Variants in TRAPPC3L observed in about 807,000 individuals in gnomAD.
TRAPPC3L encodes trafficking protein particle complex subunit 3L.
TRAPPC3L carries 23 observed loss-of-function variants against 23.7 expected under a neutral mutation model. That is an observed-to-expected ratio of 0.97 (90% CI 0.70 to 1.37). TRAPPC3L has a LOEUF of 1.37. Ranked by LOEUF, TRAPPC3L falls within the 40% of genes most tolerant of loss-of-function variation. TRAPPC3L has a pLI of 0.00. For missense variants in TRAPPC3L, 212 were observed against 216.8 expected, an observed-to-expected ratio of 0.98 and a Z score of 0.14; for synonymous variants, 81 against 77.9, an observed-to-expected ratio of 1.04 and a Z score of -0.21.
At chr6:116,537,176 C>T (rs1235961590) in intron 3 of TRAPPC3L, among the ~76,000 whole-genome samples, 2 of 152,194 alleles carry the variant, frequency 1.3e-5, no homozygotes, top group African/African-American at 4.8e-5. Flanking sequence ...GAATATTCTC[C>T]TCATTGACAA....
chr6:116,532,774 T>G (rs1263389796), intron 3 of TRAPPC3L, among the ~76,000 whole-genome samples: 1 of 152,180 alleles, frequency 6.6e-6, no homozygotes, highest in Non-Finnish European at 1.5e-5. Context: ...ACAAACTGAT[T>G]AAAACATTAA....
intron 3 of TRAPPC3L, among the ~76,000 whole-genome samples, chr6:116,503,508 CT>C (rs1424848725): frequency 6.6e-6 from 1 of 152,178 alleles, no homozygotes; most frequent in African/African-American, 2.4e-5. Context: ...TTGAACTCAG[CT>C]TTGGACCAAG....
intron 4 of TRAPPC3L, among the ~76,000 whole-genome samples, chr6:116,499,578 G>C (rs1252486754): frequency 6.6e-5 from 10 of 152,132 alleles, no homozygotes; most frequent in Non-Finnish European, 1.3e-4. Flanking sequence ...ATGACAATCT[G>C]TCTCCCAATT....
chr6:116,503,950 A>G lies in TRAPPC3L; in HGVS notation c.241-3284T>C, dbSNP rs147795870. 6.9e-3 allele frequency among the ~76,000 whole-genome samples: 1,049 copies of G among 152,294 alleles called. 5 individuals are homozygous for G. The highest frequency in any genetic ancestry group is 0.024 in the African/African-American group (1,002 of 41,554). ...GATCTAAAATTAACACCCTAACATCACAATTCAAAGAACTAGAGAAGCAAG... is the reference window on the plus strand; with the variant it reads ...GATCTAAAATTAACACCCTAACATCGCAATTCAAAGAACTAGAGAAGCAAG... On this transcript the variant is annotated intron_variant, in intron 3 of 4. Transcript: ENST00000368602.
chr6:116,516,051 G>A (rs1308753365), intron 3 of TRAPPC3L: 41 of 1,503,142 alleles, frequency 2.7e-5, no homozygotes, highest in African/African-American at 1.4e-4. Context: ...TCCTCCTAAC[G>A]TATCACCAGC....
At chr6:116,502,490 G>T (rs1008944234) in intron 3 of TRAPPC3L, among the ~76,000 whole-genome samples, 1 of 152,160 alleles carries the variant, frequency 6.6e-6, no homozygotes, top group African/African-American at 2.4e-5. Context: ...ACCTAGCAAG[G>T]CAGGTCAGCA....
chr6:116,537,003 C>T (rs1773137520), intron 3 of TRAPPC3L, among the ~76,000 whole-genome samples: 1 of 152,204 alleles, frequency 6.6e-6, no homozygotes, highest in Non-Finnish European at 1.5e-5. Flanking sequence ...TCTGACCTTT[C>T]ATCTTTGTCA....
At chr6:116,535,368 A>G (rs1045806065) in intron 3 of TRAPPC3L, among the ~76,000 whole-genome samples, 4 of 152,218 alleles carry the variant, frequency 2.6e-5, no homozygotes, top group African/African-American at 9.6e-5. Context: ...GCCAGTGCTC[A>G]TCTACTGGTG....
intron 3 of TRAPPC3L, chr6:116,521,197 A>G (rs1000543462): frequency 6.6e-6 from 1 of 152,038 alleles, no homozygotes; most frequent in Non-Finnish European, 1.5e-5. Flanking sequence ...TATATAACAA[A>G]ATATATGTGC....
chr6:116,506,153 G>T (rs190526874), intron 3 of TRAPPC3L, among the ~76,000 whole-genome samples: 3 of 152,164 alleles, frequency 2.0e-5, no homozygotes, highest in Admixed American at 1.3e-4. Flanking sequence ...AGTCTACAAA[G>T]AACTTAAACA....
intron 3 of TRAPPC3L, among the ~76,000 whole-genome samples, chr6:116,525,162 G>A (rs1052633653): frequency 3.3e-5 from 5 of 152,122 alleles, no homozygotes; most frequent in Admixed American, 2.0e-4. Context: ...TGTAAAATGA[G>A]GATGTTGAAT....
chr6:116,506,842 C>T (rs536259425), intron 3 of TRAPPC3L, among the ~76,000 whole-genome samples: 52 of 152,134 alleles, frequency 3.4e-4, no homozygotes, highest in African/African-American at 1.2e-3. Flanking sequence ...GGTAGGGGAG[C>T]ATCACACACC....
At chr6:116,522,186 G>A (rs1418204522) in intron 3 of TRAPPC3L, 1 of 152,284 alleles carries the variant, frequency 6.6e-6, no homozygotes, top group African/African-American at 2.4e-5. Flanking sequence ...GAGAATAAAA[G>A]GCCCCAGATC....
intron 3 of TRAPPC3L, among the ~76,000 whole-genome samples, chr6:116,514,505 T>G (rs895827152): frequency 6.6e-6 from 1 of 152,236 alleles, no homozygotes; most frequent in African/African-American, 2.4e-5. Context: ...ACTTAATGAA[T>G]ACATGTGTCC....
At chr6:116,539,906 G>A (rs1197183690) in intron 3 of TRAPPC3L, among the ~76,000 whole-genome samples, 3 of 152,158 alleles carry the variant, frequency 2.0e-5, no homozygotes, top group Non-Finnish European at 4.4e-5. Context: ...GGCTATGAAA[G>A]TTCTTAGAAC....
At chr6:116,542,273 C>T (rs868259477) in intron 2 of TRAPPC3L, among the ~76,000 whole-genome samples, 1 of 151,848 alleles carries the variant, frequency 6.6e-6, no homozygotes, top group Admixed American at 6.6e-5. Context: ...TTTGCGAATG[C>T]CCTTGACTAA....
At chr6:116,541,466 C>T (rs1583296844) in intron 2 of TRAPPC3L, among the ~76,000 whole-genome samples, 1 of 152,144 alleles carries the variant, frequency 6.6e-6, no homozygotes, top group Non-Finnish European at 1.5e-5. Flanking sequence ...GCAATGATTA[C>T]TCCAGAGGCT....
chr6:116,529,073 G>C (rs946179533), intron 3 of TRAPPC3L: 1 of 152,348 alleles, frequency 6.6e-6, no homozygotes, highest in Non-Finnish European at 1.5e-5. Context: ...CTCTGACCGG[G>C]TCTCCTGTTT....
intron 3 of TRAPPC3L, among the ~76,000 whole-genome samples, chr6:116,511,065 A>G (rs1350394148): frequency 6.7e-6 from 1 of 149,758 alleles, no homozygotes; most frequent in Non-Finnish European, 1.5e-5. Flanking sequence ...GGGTACACAT[A>G]CATATCCGGT....
Sources: gnomAD v4.1 joint callset for allele counts (sites outside exome capture counted in the v4.1 genomes callset) on GRCh38, gnomAD v4.1.1 for gene constraint, MANE v1.5 for transcripts, NCBI Gene and HGNC (gene_info 2026-07-23, HGNC 2026-07-21) for gene names.